CLEC16A: variants seen among roughly 807,000 people sequenced by gnomAD.
CLEC16A encodes C-type lectin domain containing 16A, also known as protein CLEC16A.
CLEC16A carries 51 observed loss-of-function variants against 109.5 expected under a neutral mutation model. That is an observed-to-expected ratio of 0.47 (90% confidence interval 0.37 to 0.59). The LOEUF is 0.59. CLEC16A is among the 20% of genes least tolerant of loss of function. The pLI is 0.00. For missense variants in CLEC16A, 1,339 were observed against 1,394.0 expected (o/e 0.96, Z 0.63); for synonymous variants, 673 against 564.2 (o/e 1.19, Z -2.73).
intron 18 of CLEC16A, among the ~76,000 whole-genome samples, chr16:11,055,157 C>T (rs564429476): frequency 3.9e-5 from 6 of 152,282 alleles, no homozygotes; most frequent in African/African-American, 1.4e-4. Context: ...GCACACATCC[C>T]TGCCTTCTGG....
intron 19 of CLEC16A, among the ~76,000 whole-genome samples, chr16:11,086,846 C>T (rs2050038467): frequency 1.3e-5 from 2 of 152,182 alleles, no homozygotes; most frequent in Non-Finnish European, 2.9e-5. Flanking sequence ...TCTTTTAAGT[C>T]AGCGCTACCC....
At chr16:11,143,227 C>T (rs571208092) in intron 22 of CLEC16A, among the ~76,000 whole-genome samples, 1 of 152,258 alleles carries the variant, frequency 6.6e-6, no homozygotes, top group South Asian at 2.1e-4. Context: ...CTAATAACAC[C>T]CATTACTAAT....
At chr16:11,087,495 C>T (rs182124371) in intron 19 of CLEC16A, among the ~76,000 whole-genome samples, 1 of 152,312 alleles carries the variant, frequency 6.6e-6, no homozygotes. Flanking sequence ...TTTATGCTAC[C>T]TATAGATATT....
intron 22 of CLEC16A, among the ~76,000 whole-genome samples, chr16:11,165,531 C>A (rs771812534): frequency 5.3e-5 from 8 of 152,110 alleles, no homozygotes; most frequent in Non-Finnish European, 1.2e-4. Flanking sequence ...TGAGCTCTCA[C>A]CATGTGCCAC....
At chr16:11,091,823 G>A (rs2050321318) in intron 19 of CLEC16A, among the ~76,000 whole-genome samples, 1 of 152,150 alleles carries the variant, frequency 6.6e-6, no homozygotes. Flanking sequence ...TAACCCACGG[G>A]TAGCTGAACT....
At chr16:10,963,041 A>G (rs781432512) in intron 3 of CLEC16A, among the ~76,000 whole-genome samples, 35 of 152,108 alleles carry the variant, frequency 2.3e-4, no homozygotes, top group South Asian at 1.5e-3. Flanking sequence ...TGGGTGACAG[A>G]GCAAGACCTT....
At chr16:10,944,991 G>A (rs2041275958) in intron 1 of CLEC16A, among the ~76,000 whole-genome samples, 194 bp downstream of exon 1, 1 of 152,252 alleles carries the variant, frequency 6.6e-6, no homozygotes, top group South Asian at 2.1e-4. Context: ...TCTTGGCTGT[G>A]TGACCTTGGA....
chr16:11,141,118 G>C (rs889544458), intron 22 of CLEC16A, among the ~76,000 whole-genome samples: 2 of 152,236 alleles, frequency 1.3e-5, no homozygotes, highest in Admixed American at 6.5e-5. Flanking sequence ...GCCCTGGCTG[G>C]AGTCACTTGC....
intron 7 of CLEC16A, among the ~76,000 whole-genome samples, chr16:10,976,405 A>G (rs970092969): frequency 1.4e-4 from 22 of 151,822 alleles, no homozygotes; most frequent in Admixed American, 1.4e-3. Context: ...TATATTTTAG[A>G]TGTGACTACT....
chr16:10,965,631 A>C (rs1310032097), intron 3 of CLEC16A, among the ~76,000 whole-genome samples: 1 of 152,194 alleles, frequency 6.6e-6, no homozygotes, highest in Non-Finnish European at 1.5e-5. Context: ...CCATTTCACA[A>C]ATGCACCTGT....
At chr16:11,097,024 A>C (rs1194239493) in intron 19 of CLEC16A, among the ~76,000 whole-genome samples, 1 of 152,186 alleles carries the variant, frequency 6.6e-6, no homozygotes, top group East Asian at 1.9e-4. Flanking sequence ...ACATGCCACC[A>C]TGAGGGCCTG....
rs201461895 is a variant in CLEC16A at position 11,020,198 on chromosome 16, G to A, written c.1309G>A (p.Glu437Lys). The change falls in exon 12 of 24, where the codon GAG (glutamate) becomes AAG (lysine). Residue 437 changes from glutamate (E) to lysine (K), a missense_variant. By Grantham distance (56) the Glu-to-Lys change is moderately conservative. This residue lies in a region of CLEC16A where 1,061 missense variants were observed against 1,006.8 expected (regional missense o/e 1.05). Coordinates refer to ENST00000409790, the MANE Select transcript of CLEC16A (RefSeq NM_015226.3). The part of the protein sequence containing the change: ...IKTSGESEEI[E>K]MVIMERSKLS... Reference sequence around the variant, plus strand: ...GTCTCCATTTTGGCTTCCAGAGATCGAGATGGTGATCATGGAGCGTAGCAA... The same window carrying A: ...GTCTCCATTTTGGCTTCCAGAGATCAAGATGGTGATCATGGAGCGTAGCAA... 9.3e-6 allele frequency: 15 copies of A among 1,610,234 alleles called. No homozygotes were observed. Among genetic ancestry groups the A allele is most frequent in the Admixed American group, 1.7e-5 (1 of 59,580 alleles).
chr16:11,086,616 C>T (rs1279664243), intron 19 of CLEC16A, among the ~76,000 whole-genome samples: 1 of 152,130 alleles, frequency 6.6e-6, no homozygotes, highest in Non-Finnish European at 1.5e-5. Flanking sequence ...TATCTCTGCT[C>T]ACTGCAACCT....
intron 22 of CLEC16A, among the ~76,000 whole-genome samples, chr16:11,146,655 A>G (rs2054070245): frequency 6.6e-6 from 1 of 150,756 alleles, no homozygotes; most frequent in African/African-American, 2.4e-5. Context: ...AGGGATAGAT[A>G]GAAGCCTGGA....
At chr16:11,078,898 A>C (rs768834890) in intron 19 of CLEC16A, among the ~76,000 whole-genome samples, 1 of 152,084 alleles carries the variant, frequency 6.6e-6, no homozygotes, top group Non-Finnish European at 1.5e-5. Context: ...TCTCCTCTCC[A>C]CTTTCCTGCA....
At chr16:11,015,167 A>G (rs2152786556) in intron 11 of CLEC16A, among the ~76,000 whole-genome samples, 1 of 152,356 alleles carries the variant, frequency 6.6e-6, no homozygotes, top group East Asian at 1.9e-4. Flanking sequence ...ATCCGCATTC[A>G]TCTAGAAAAT....
At chr16:10,973,534 G>C (rs142135416) in intron 7 of CLEC16A, among the ~76,000 whole-genome samples, 2,149 of 152,250 alleles carry the variant, frequency 0.014, 47 homozygotes, top group African/African-American at 0.049. Context: ...AGGATGTTGT[G>C]TGGGGACATA....
chr16:11,067,775 C>T (rs2048852107), intron 19 of CLEC16A, among the ~76,000 whole-genome samples: 1 of 152,182 alleles, frequency 6.6e-6, no homozygotes, highest in Non-Finnish European at 1.5e-5. Context: ...GTGGTGTCCA[C>T]AAGCTGGCAT....
chr16:10,952,021 A>G (rs761828997), intron 1 of CLEC16A, among the ~76,000 whole-genome samples: 1 of 152,254 alleles, frequency 6.6e-6, no homozygotes, highest in African/African-American at 2.4e-5. Flanking sequence ...TGGCACTGAA[A>G]TGGATAATGC....
Sources: gnomAD v4.1 joint callset for allele counts (sites outside exome capture counted in the v4.1 genomes callset) on GRCh38, gnomAD v4.1.1 for gene constraint, gnomAD v4.1.1 regional missense constraint, MANE v1.5 for transcripts, NCBI Gene and HGNC (gene_info 2026-07-23, HGNC 2026-07-21) for gene names.